Variants in DPP6 observed in about 807,000 individuals in gnomAD.
DPP6 encodes A-type potassium channel modulatory protein DPP6.
In DPP6, 69 loss-of-function variants were observed where a neutral mutation model predicts 122.6. That is an observed-to-expected ratio of 0.56 (90% confidence interval 0.46 to 0.69). The LOEUF is 0.69. DPP6 is among the 30% of genes least tolerant of loss of function. The probability of loss-of-function intolerance (pLI) is 0.00; values close to 1 mark genes in which losing one functional copy is unlikely to be tolerated. For missense variants in DPP6, 928 were observed against 1,116.9 expected, an observed-to-expected ratio of 0.83 and a Z score of 2.41; for synonymous variants, 418 against 433.1, an observed-to-expected ratio of 0.97 and a Z score of 0.43.
At chr7:154,541,922 G>C (rs1019289044) in intron 4 of DPP6, among the ~76,000 whole-genome samples, 1 of 152,166 alleles carries the variant, frequency 6.6e-6, no homozygotes, top group Non-Finnish European at 1.5e-5. Flanking sequence ...CTGTGTCCCA[G>C]GGAGAAGGAA....
intron 3 of DPP6, among the ~76,000 whole-genome samples, chr7:154,490,470 G>A (rs1214992515): frequency 6.6e-6 from 1 of 152,216 alleles, no homozygotes; most frequent in Non-Finnish European, 1.5e-5. Context: ...TGTCAGCAGT[G>A]CCCCGTGGCT....
chr7:154,151,934 C>G (rs1207962347), intron 1 of DPP6, among the ~76,000 whole-genome samples: 2 of 151,368 alleles, frequency 1.3e-5, no homozygotes. Context: ...CCTACGAGAT[C>G]AACCCCACAC....
At chr7:154,144,153 T>G (rs1374715886) in intron 1 of DPP6, among the ~76,000 whole-genome samples, 3 of 152,194 alleles carry the variant, frequency 2.0e-5, no homozygotes, top group African/African-American at 7.2e-5. Context: ...AAGGTTGAAT[T>G]TTTTTCATGT....
At chr7:154,065,062 T>G (rs1802593676) in intron 1 of DPP6, among the ~76,000 whole-genome samples, 1 of 152,112 alleles carries the variant, frequency 6.6e-6, no homozygotes, top group Non-Finnish European at 1.5e-5. Context: ...TCTACCTGTC[T>G]CAACTCCCTA....
intron 1 of DPP6, among the ~76,000 whole-genome samples, chr7:154,320,956 T>C (rs985617414): frequency 5.3e-5 from 8 of 152,186 alleles, no homozygotes; most frequent in Admixed American, 5.2e-4. Context: ...AACAGACTTC[T>C]AGGCACAAAG....
intron 11 of DPP6, 46 bp from the exon 12 acceptor site, chr7:154,795,799 A>G: frequency 2.1e-5 from 15 of 711,704 alleles, no homozygotes; most frequent in Non-Finnish European, 2.7e-5. Context: ...AAAAAAAAGA[A>G]AAGAAAAGAA....
intron 1 of DPP6, among the ~76,000 whole-genome samples, chr7:153,952,049 G>C (rs1398000070): frequency 6.6e-6 from 1 of 151,984 alleles, no homozygotes; most frequent in Non-Finnish European, 1.5e-5. Flanking sequence ...TCTCAAAAAA[G>C]AAAGAAAGAA....
At chr7:154,853,724 G>A in intron 16 of DPP6, 56 bp from the exon 17 acceptor site, 1 of 1,562,300 alleles carries the variant, frequency 6.4e-7, no homozygotes. Context: ...CTTGTTCTCG[G>A]CTAAACTAAT....
At chr7:154,718,628 C>T (rs1841625973) in intron 7 of DPP6, among the ~76,000 whole-genome samples, 1 of 144,798 alleles carries the variant, frequency 6.9e-6, no homozygotes, top group African/African-American at 2.6e-5. Flanking sequence ...TTTAGACTTC[C>T]TCCTCCTTTT....
chr7:153,939,761 C>CA (rs1188663405), intron 1 of DPP6, among the ~76,000 whole-genome samples: 15 of 152,222 alleles, frequency 9.9e-5, no homozygotes, highest in African/African-American at 3.1e-4. Context: ...CACAGACTTT[C>CA]ATCATATCAC....
chr7:154,752,677 C>A (rs2131469573), intron 8 of DPP6, among the ~76,000 whole-genome samples: 1 of 152,268 alleles, frequency 6.6e-6, no homozygotes, highest in African/African-American at 2.4e-5. Context: ...GAACACTATC[C>A]ACCGCAGGAG....
Position 154,807,119 on chromosome 7 carries a change from T to A in DPP6, c.1666+7T>A. On this transcript the variant is annotated splice_region_variant and intron_variant, in intron 16 of 25. Transcript: ENST00000377770. ...TTCCTGCTCAAGTGCGAAGGTCAGC[T>A]CCTGCCACCCCGTCAGGGCAAAGAG... is the stretch of plus-strand genomic sequence containing the variant. 3.1e-6 allele frequency: 5 copies of A among 1,611,450 alleles called. No individual in the cohort carries two copies. The highest frequency in any genetic ancestry group is 3.4e-6 in the Non-Finnish European group (4 of 1,179,414).
intron 1 of DPP6, among the ~76,000 whole-genome samples, chr7:154,070,895 T>C (rs537812943): frequency 7.9e-5 from 12 of 152,318 alleles, no homozygotes; most frequent in African/African-American, 2.6e-4. Flanking sequence ...TTCTTTCATA[T>C]TGCCTTTAAT....
intron 7 of DPP6, among the ~76,000 whole-genome samples, chr7:154,702,192 C>T (rs1353440412): frequency 6.6e-6 from 1 of 152,238 alleles, no homozygotes; most frequent in Non-Finnish European, 1.5e-5. Context: ...GTTCTGACTG[C>T]TCCACAAACA....
chr7:154,700,619 A>G (rs979442475), intron 7 of DPP6, among the ~76,000 whole-genome samples: 2 of 152,244 alleles, frequency 1.3e-5, no homozygotes, highest in African/African-American at 4.8e-5. Context: ...TCAGTTCTTT[A>G]AGTAAATTCT....
chr7:154,790,413 G>A (rs890702250), intron 10 of DPP6, among the ~76,000 whole-genome samples: 1 of 152,152 alleles, frequency 6.6e-6, no homozygotes, highest in African/African-American at 2.4e-5. Flanking sequence ...TGAGAATCAC[G>A]GCTTCCTTAC....
rs1314691311 is a variant in DPP6, at chr7:154,755,616, T to C, written c.884-13801T>C. On this transcript the variant is annotated intron_variant, in intron 8 of 25. Transcript: ENST00000377770. The surrounding 1 kb of genome is among the most constrained non-coding windows in gnomAD (Gnocchi z 4.7). ...CGTGTGCTGGGTGCTCACCGACTGC[T>C]GGGTGTGGCCATCACCATCACCACC... Among the ~76,000 whole-genome samples the C allele has an allele frequency of 2.6e-5, 4 of 152,208 alleles. No homozygotes were observed. Among genetic ancestry groups the C allele is most frequent in the Non-Finnish European group, 5.9e-5 (4 of 68,038 alleles).
At chr7:154,851,652 G>T (rs1025581968) in intron 16 of DPP6, among the ~76,000 whole-genome samples, 3 of 152,306 alleles carry the variant, frequency 2.0e-5, no homozygotes, top group Admixed American at 6.5e-5. Flanking sequence ...TGGGTAGGGG[G>T]TGCCATATTT....
At chr7:154,614,796 C>G (rs1239020995) in intron 5 of DPP6, among the ~76,000 whole-genome samples, 1 of 152,184 alleles carries the variant, frequency 6.6e-6, no homozygotes, top group South Asian at 2.1e-4. Flanking sequence ...TATTGTAAGT[C>G]ATTTCTGTTA....
Sources: allele counts gnomAD v4.1 joint callset (sites outside exome capture counted in the v4.1 genomes callset), GRCh38; gene constraint gnomAD v4.1.1; non-coding constraint Gnocchi (gnomAD v3.1); transcripts MANE v1.5; gene names NCBI Gene and HGNC (gene_info 2026-07-23, HGNC 2026-07-21).